Variants in PGAP1 observed in about 807,000 individuals in gnomAD.
PGAP1 encodes post-GPI attachment to proteins inositol deacylase 1, also known as GPI inositol-deacylase.
PGAP1 carries 76 observed loss-of-function variants against 127.0 expected under a neutral mutation model. The observed-to-expected ratio is 0.60, with a 90% CI of 0.50 to 0.72. The LOEUF is 0.72. Ranked by LOEUF, PGAP1 falls within the 30% of genes least tolerant of loss-of-function variation. PGAP1 has a pLI of 0.00. For synonymous variants in PGAP1, 362 were observed against 366.5 expected (o/e 0.99, Z 0.14); for missense variants, 982 against 1,071.3 (o/e 0.92, Z 1.16).
intron 10 of PGAP1, 25 bp downstream of exon 10, chr2:196,890,803 A>C (rs1481033268): frequency 7.4e-7 from 1 of 1,354,202 alleles, no homozygotes; most frequent in East Asian, 2.3e-5. Flanking sequence ...TCTTAAATTT[A>C]CATAAAATGT....
chr2:196,885,693 C>T (rs1701878253), intron 11 of PGAP1, 141 bp downstream of exon 11: 1 of 674,152 alleles, frequency 1.5e-6, no homozygotes, highest in African/African-American at 1.9e-5. Flanking sequence ...TATTCATTTC[C>T]TTTACTTTTC....
chr2:196,846,051 T>C (rs1700547725), intron 22 of PGAP1, 34 bp from the exon 23 acceptor site: 1 of 1,309,568 alleles, frequency 7.6e-7, no homozygotes, highest in Non-Finnish European at 1.0e-6. Context: ...AAAATATATA[T>C]TAACAAATAT....
At chr2:196,852,979 G>A (rs1165662888) in intron 20 of PGAP1, among the ~76,000 whole-genome samples, 1 of 152,160 alleles carries the variant, frequency 6.6e-6, no homozygotes, top group African/African-American at 2.4e-5. Context: ...TCTTTCTAAA[G>A]ATTAAGATTC....
At chr2:196,901,106 T>C (rs1412768297) in intron 5 of PGAP1, among the ~76,000 whole-genome samples, 1 of 152,202 alleles carries the variant, frequency 6.6e-6, no homozygotes, top group Admixed American at 6.5e-5. Context: ...AGGAAATAAG[T>C]TACATCAAAT....
chr2:196,847,261 ATT>A, intron 21 of PGAP1, 61 bp from the exon 22 acceptor site: 1 of 1,277,724 alleles, frequency 7.8e-7, no homozygotes. Context: ...AGGACTTAAT[ATT>A]TGAGGTGTCT....
chr2:196,893,880 AC>A (rs1702181889), intron 7 of PGAP1, among the ~76,000 whole-genome samples: 1 of 152,206 alleles, frequency 6.6e-6, no homozygotes, highest in African/African-American at 2.4e-5. Context: ...TTTGGTATTG[AC>A]CATTATTCAA....
rs974070509 is a variant in PGAP1, at chr2:196,897,258, A to C, written c.861-61T>G. The C allele has an allele frequency of 1.2e-5, 12 of 1,016,948 alleles. No homozygotes were observed. In the East Asian group the frequency reaches 2.7e-4, roughly 23 times the overall value. The allele number at this position is 1,016,948 out of a possible 1,614,324, so 63.0% of individuals were successfully genotyped here. The stretch of plus-strand genomic sequence containing the variant: ...CTTAAAACATATACTTTTGATCAAA[A>C]TATGCACAATTCTATTGTTTAGTGG... On this transcript the variant is annotated intron_variant, in intron 6 of 26. Coordinates refer to ENST00000354764, the MANE Select transcript of PGAP1 (RefSeq NM_024989.4).
At chr2:196,915,849 A>G (rs539434712) in intron 3 of PGAP1, among the ~76,000 whole-genome samples, 1 of 152,174 alleles carries the variant, frequency 6.6e-6, no homozygotes, top group African/African-American at 2.4e-5. Context: ...TTCTCATACC[A>G]TGTCGCATTT....
At chr2:196,855,457 A>G (rs1419079019) in intron 20 of PGAP1, among the ~76,000 whole-genome samples, 2 of 152,148 alleles carry the variant, frequency 1.3e-5, no homozygotes, top group African/African-American at 4.8e-5. Flanking sequence ...AGATTAATTA[A>G]CTAAATAAAA....
chr2:196,877,096 A>AG (rs1477756197), intron 13 of PGAP1, among the ~76,000 whole-genome samples: 2 of 152,102 alleles, frequency 1.3e-5, no homozygotes, highest in Non-Finnish European at 2.9e-5. Context: ...TTATTGCTTT[A>AG]AAAATTTGGC....
At chr2:196,861,932 G>A (rs1228436748) in intron 20 of PGAP1, among the ~76,000 whole-genome samples, 1 of 149,404 alleles carries the variant, frequency 6.7e-6, no homozygotes, top group African/African-American at 2.5e-5. Context: ...AGCCGAGGAG[G>A]ATGTATGTCG....
At chr2:196,924,800 AGATCCATAT>A (rs1703314840) in intron 1 of PGAP1, among the ~76,000 whole-genome samples, 1 of 152,178 alleles carries the variant, frequency 6.6e-6, no homozygotes, top group South Asian at 2.1e-4. Context: ...TGCGTCTGTG[AGATCCATAT>A]GCTTTGTTCC....
rs1250688026 is a variant in PGAP1, at chr2:196,916,560, G to T, written c.335C>A (p.Ala112Glu). 1 of 1,612,620 alleles carries T rather than the reference G, an allele frequency of 6.2e-7. No individual in the cohort carries two copies. The highest frequency in any genetic ancestry group is 1.1e-5 in the South Asian group (1 of 90,806). The stretch of plus-strand genomic sequence containing the variant: ...GTGGTACTTGAAGTCAATGTCCTCT[G>T]CTTTTCTAAGTGCAATGGAGCCAAT... ...RSIGSIALRK[A>E]EDIDFKYHFD... Residue 112 changes from alanine (A) to glutamate (E), a missense_variant, in exon 3 of 27, where the codon GCA becomes GAA. Physicochemically the swap from Ala to Glu is moderately radical, Grantham distance 107 (BLOSUM62 -1). Coordinates refer to ENST00000354764, the MANE Select transcript of PGAP1 (RefSeq NM_024989.4).
At chr2:196,849,909 T>C (rs1313032330) in intron 20 of PGAP1, among the ~76,000 whole-genome samples, 1 of 152,210 alleles carries the variant, frequency 6.6e-6, no homozygotes, top group Non-Finnish European at 1.5e-5. Context: ...CTACAGTTTC[T>C]ACATCTGCTT....
chr2:196,841,268 G>A lies in PGAP1; in HGVS notation c.2735C>T (p.Pro912Leu). 6.2e-7 allele frequency: 1 copy of A among 1,613,658 alleles called. No homozygotes were observed. Among genetic ancestry groups the A allele is most frequent in the Non-Finnish European group, 8.5e-7 (1 of 1,179,832 alleles). ...LYRLPCFVFI[P>L]LLLHALCNFM is the part of the protein sequence containing the mutation. ...GTTGCATAATGCATGGAGTAAAAGA[G>A]GAATGAAGACAAAGCATGGAAGCCT... Residue 912 changes from proline (P) to leucine (L), a missense_variant, in exon 27 of 27, where the codon CCT (proline) becomes CTT (leucine). Coordinates refer to ENST00000354764, the MANE Select transcript of PGAP1 (RefSeq NM_024989.4).
At chr2:196,889,755 A>T (rs112153556) in intron 10 of PGAP1, among the ~76,000 whole-genome samples, 137 of 147,816 alleles carry the variant, frequency 9.3e-4, no homozygotes, top group Non-Finnish European at 9.8e-4. Context: ...GCTACTCTGG[A>T]GGCTGAGGCA....
At chr2:196,881,336 C>T (rs947356207) in intron 12 of PGAP1, among the ~76,000 whole-genome samples, 17 of 152,108 alleles carry the variant, frequency 1.1e-4, no homozygotes, top group Admixed American at 8.5e-4. Context: ...AACACACATA[C>T]ATGTGTCTTT....
chr2:196,879,964 A>T, intron 13 of PGAP1, 112 bp downstream of exon 13: 1 of 758,146 alleles, frequency 1.3e-6, no homozygotes, highest in Non-Finnish European at 2.2e-6. Context: ...GTGGATCATC[A>T]AACTGGCTAC....
In PGAP1 at chr2:196,845,936, C is replaced by T; in HGVS notation, c.2232G>A (p.Trp744Ter). ...FLTIVLIIVS[W>*]TTCGALAILL... is the part of the protein sequence containing the mutation. ...GTATGGCTAGTGCTCCACAAGTTGT[C>T]CAACTAACTATGATCAAGACAATTG... Residue 744 changes from tryptophan to a stop codon, truncating the protein, a stop_gained, in exon 23 of 27, where the codon TGG becomes TGA. Transcript: ENST00000354764. LOFTEE classifies it high-confidence loss of function. 1 of 1,608,480 alleles carries T rather than the reference C, an allele frequency of 6.2e-7. No individual in the cohort carries two copies. Among genetic ancestry groups the T allele is most frequent in the Non-Finnish European group, 8.5e-7 (1 of 1,176,684 alleles).
Sources: allele counts gnomAD v4.1 joint callset (sites outside exome capture counted in the v4.1 genomes callset), GRCh38; gene constraint gnomAD v4.1.1; transcripts MANE v1.5; gene names NCBI Gene and HGNC (gene_info 2026-07-23, HGNC 2026-07-21).